Variants in FBXL2 observed in about 807,000 individuals in gnomAD.
The protein encoded by FBXL2 is F-box/LRR-repeat protein 2.
In FBXL2, 38 loss-of-function variants were observed where a neutral mutation model predicts 69.2. That is an observed-to-expected ratio of 0.55 (90% CI 0.42 to 0.72). The LOEUF (loss-of-function observed/expected upper bound fraction) is 0.72, where lower values mean the gene tolerates loss of function less well. Ranked by LOEUF, FBXL2 falls within the 30% of genes least tolerant of loss-of-function variation. The pLI is 0.00. For missense variants in FBXL2, 354 were observed against 520.3 expected, an observed-to-expected ratio of 0.68 and a Z score of 3.11; for synonymous variants, 192 against 201.3, an observed-to-expected ratio of 0.95 and a Z score of 0.39.
intron 5 of FBXL2, among the ~76,000 whole-genome samples, chr3:33,370,957 C>T (rs534432808): frequency 6.6e-6 from 1 of 150,702 alleles, no homozygotes; most frequent in South Asian, 2.1e-4. Flanking sequence ...TCCTCTGTCT[C>T]TCTTATTTAG....
At chr3:33,421,843 G>T in the FBXL2 span, among the ~76,000 whole-genome samples, 1 of 152,082 alleles carries the variant, frequency 6.6e-6, no homozygotes, top group African/African-American at 2.4e-5. Flanking sequence ...GAAGCCAGGA[G>T]TTCGAGCCTG....
intron 2 of FBXL2, among the ~76,000 whole-genome samples, chr3:33,299,208 A>G (rs948042871): frequency 2.6e-5 from 4 of 151,576 alleles, no homozygotes; most frequent in African/African-American, 9.7e-5. Context: ...CGCCCAGCTG[A>G]TTTTTGTATT....
chr3:33,411,563 T>C, the FBXL2 span: 1 of 1,609,106 alleles, frequency 6.2e-7, no homozygotes, highest in African/African-American at 1.3e-5. Context: ...AAGCTTCTAA[T>C]AATGTAAAAA....
chr3:33,278,846 T>G (rs1011992114), intron 1 of FBXL2, among the ~76,000 whole-genome samples: 23 of 152,330 alleles, frequency 1.5e-4, no homozygotes, highest in Admixed American at 9.8e-4. Flanking sequence ...TTTCAAATAT[T>G]GCAGTAATTT....
At chr3:33,357,730 C>T (rs1021110855) in intron 2 of FBXL2, among the ~76,000 whole-genome samples, 11 of 151,982 alleles carry the variant, frequency 7.2e-5, no homozygotes, top group Non-Finnish European at 1.5e-4. Flanking sequence ...GGGGTTTCAC[C>T]GTGTTAGCCA....
chr3:33,385,414 A>T, intron 14 of FBXL2, 87 bp from the exon 15 acceptor site: 1 of 1,159,244 alleles, frequency 8.6e-7, no homozygotes, highest in Non-Finnish European at 1.3e-6. Flanking sequence ...GATTTTTAAT[A>T]GAGGACTATA....
At chr3:33,371,852 C>T (rs1005206875) in intron 5 of FBXL2, among the ~76,000 whole-genome samples, 7 of 152,148 alleles carry the variant, frequency 4.6e-5, no homozygotes, top group African/African-American at 1.4e-4. Context: ...TGTACCAAAG[C>T]AGTGTTTAGG....
Position 33,399,739 on chromosome 3 carries a change from G to T in FBXL2, n.1215-3495G>T, listed in dbSNP as rs189760231. 7.9e-5 allele frequency among the ~76,000 whole-genome samples: 12 copies of T among 152,250 alleles called. No individual in the cohort carries two copies. The East Asian group carries it at 2.3e-3, about 29-fold the overall frequency. On this transcript the variant is annotated intron_variant and non_coding_transcript_variant, in intron 12 of 12. Coordinates refer to the FBXL2 transcript ENST00000463736. Reference sequence around the variant, plus strand: ...TCCTGTCATCTTAATTGTGGTGGTGGTTACAAATATCTATACCATAACATA... The same window carrying T: ...TCCTGTCATCTTAATTGTGGTGGTGTTTACAAATATCTATACCATAACATA...
chr3:33,342,846 C>CCGAGTAG (rs1390293961), intron 2 of FBXL2, among the ~76,000 whole-genome samples: 62 of 147,892 alleles, frequency 4.2e-4, no homozygotes, highest in South Asian at 3.2e-3. Context: ...CCTCAGCCTC[C>CCGAGTAG]CGAGTAGCGT....
At chr3:33,319,076 G>T (rs907324559) in intron 2 of FBXL2, among the ~76,000 whole-genome samples, 4 of 152,190 alleles carry the variant, frequency 2.6e-5, no homozygotes, top group African/African-American at 9.6e-5. Flanking sequence ...TCCTTTAGGT[G>T]TTTTAAGACG....
At chr3:33,382,276 CATG>C (rs1013784339) in intron 13 of FBXL2, among the ~76,000 whole-genome samples, 73 of 152,208 alleles carry the variant, frequency 4.8e-4, no homozygotes, top group African/African-American at 1.7e-3. Context: ...GTAAAATATA[CATG>C]TAGAAAAGCA....
the FBXL2 span, among the ~76,000 whole-genome samples, chr3:33,418,560 T>A: frequency 6.6e-6 from 1 of 151,364 alleles, no homozygotes. Flanking sequence ...CACCCGGCCA[T>A]AAGAAGTATT....
rs527672753 is a variant in FBXL2, at chr3:33,395,006, T to C, written n.1215-8228T>C. On this transcript the variant is annotated intron_variant and non_coding_transcript_variant, in intron 12 of 12. Transcript: ENST00000463736. Reference sequence around the variant, plus strand: ...AAAAAGTTTGCTGATTATGGGAAAATATCCAATATTTCCCCATATCCCTCC... The same window carrying C: ...AAAAAGTTTGCTGATTATGGGAAAACATCCAATATTTCCCCATATCCCTCC... 2.0e-5 allele frequency among the ~76,000 whole-genome samples: 3 copies of C among 152,220 alleles called. 1 individual carries two copies. In the South Asian group the frequency reaches 6.2e-4, roughly 32 times the overall value.
chr3:33,313,845 A>T (rs1184266531), intron 2 of FBXL2, among the ~76,000 whole-genome samples: 1 of 152,200 alleles, frequency 6.6e-6, no homozygotes, highest in Non-Finnish European at 1.5e-5. Flanking sequence ...AAGATATCTC[A>T]GGTGTTAATG....
Position 33,375,155 on chromosome 3 carries a change from T to C in FBXL2, c.658-133T>C, listed in dbSNP as rs1427474174. On this transcript the variant is annotated intron_variant, in intron 9 of 14. Transcript: ENST00000484457. ...AAGTACCTGTCTACCCTCTACTTAT[T>C]TTGTTGAAGTTATTTGGATAAAATG... 12 of 1,029,992 alleles carry C rather than the reference T, an allele frequency of 1.2e-5. No homozygotes were observed. The African/African-American group carries it at 1.6e-4, about 14-fold the overall frequency. 63.8% of individuals were successfully genotyped at this position (1,029,992 alleles called of 1,614,324 possible).
the FBXL2 span, among the ~76,000 whole-genome samples, chr3:33,421,205 C>G: frequency 5.3e-5 from 8 of 151,520 alleles, no homozygotes; most frequent in Non-Finnish European, 1.0e-4. Flanking sequence ...TTTGGGACTA[C>G]AGTTTTTACT....
chr3:33,385,391 C>G (rs17030546), intron 14 of FBXL2, 110 bp from the exon 15 acceptor site: 243,806 of 976,816 alleles, frequency 0.25, 35,983 homozygotes, highest in Admixed American at 0.48. Flanking sequence ...AATTCTACTT[C>G]AACTAAGGTG....
At chr3:33,340,184 T>C (rs2039906961) in intron 2 of FBXL2, among the ~76,000 whole-genome samples, 1 of 152,208 alleles carries the variant, frequency 6.6e-6, no homozygotes, top group Non-Finnish European at 1.5e-5. Context: ...TTGAATGTGT[T>C]CTATGTCGAG....
chr3:33,383,715 C>A, intron 13 of FBXL2: 1 of 409,182 alleles, frequency 2.4e-6, no homozygotes, highest in South Asian at 2.7e-5. Flanking sequence ...AACCCATAAC[C>A]AAAGGGCCCC....
Sources: gnomAD v4.1 joint callset for allele counts (sites outside exome capture counted in the v4.1 genomes callset) on GRCh38, gnomAD v4.1.1 for gene constraint, MANE v1.5 for transcripts, NCBI Gene and HGNC (gene_info 2026-07-23, HGNC 2026-07-21) for gene names.